The following PPP2R2B variants were observed in gnomAD, a reference collection of about 807,000 sequenced individuals.
PPP2R2B encodes serine/threonine-protein phosphatase 2A 55 kDa regulatory subunit B beta isoform.
PPP2R2B carries 5 observed loss-of-function variants against 46.0 expected under a neutral mutation model. The ratio of observed to expected loss-of-function variants is 0.11; its 90% confidence interval spans 0.06 to 0.23. PPP2R2B has a LOEUF of 0.23. Ranked by LOEUF, PPP2R2B falls within the 10% of genes least tolerant of loss-of-function variation. PPP2R2B has a pLI of 1.00. For missense variants in PPP2R2B, 367 were observed against 575.0 expected (o/e 0.64, Z 3.70); for synonymous variants, 215 against 206.7 (o/e 1.04, Z -0.34).
At chr5:147,054,361 T>C (rs1455652099) in intron 1 of PPP2R2B, among the ~76,000 whole-genome samples, 1 of 152,274 alleles carries the variant, frequency 6.6e-6, no homozygotes, top group Non-Finnish European at 1.5e-5. Context: ...CATTTTTTCA[T>C]TCCTCTCATC....
At chr5:147,026,525 C>T (rs1433810983) in intron 1 of PPP2R2B, among the ~76,000 whole-genome samples, 1 of 152,016 alleles carries the variant, frequency 6.6e-6, no homozygotes, top group Non-Finnish European at 1.5e-5. Context: ...GTGATAGTTT[C>T]ATGTGTATAT....
intron 5 of PPP2R2B, among the ~76,000 whole-genome samples, chr5:146,690,890 G>A (rs957652784): frequency 2.6e-5 from 4 of 152,214 alleles, no homozygotes; most frequent in Admixed American, 2.6e-4. Context: ...TCTGGCAGTG[G>A]CCATGTGGGC....
intron 1 of PPP2R2B, among the ~76,000 whole-genome samples, chr5:146,942,232 T>C (rs753157304): frequency 6.6e-6 from 1 of 152,222 alleles, no homozygotes; most frequent in Non-Finnish European, 1.5e-5. Flanking sequence ...CCTTAACAGC[T>C]AAATTGTTGC....
At chr5:146,938,868 C>T (rs1204807554) in intron 1 of PPP2R2B, among the ~76,000 whole-genome samples, 3 of 148,490 alleles carry the variant, frequency 2.0e-5, no homozygotes, top group Non-Finnish European at 3.0e-5. Context: ...GCAACCTCCA[C>T]CTCCCAGGTT....
rs1379131765 is a variant in PPP2R2B at position 146,878,709 on chromosome 5, C to T, written c.-243G>A. 8 of 1,244,712 alleles carry T rather than the reference C, an allele frequency of 6.4e-6. No homozygotes were observed. The East Asian group carries it at 4.1e-4, about 64-fold the overall frequency. 77.1% of individuals were successfully genotyped at this position (1,244,712 alleles called of 1,614,324 possible). A position where few individuals can be genotyped will look rare whatever the true frequency, so the allele number is the denominator to read the frequency against. ...GGCGCCAGCGCACTCACCCTCACAC[C>T]CACACGCGCGCACTCGCAGCTGCTG... On this transcript the variant is annotated 5_prime_UTR_variant, in exon 1 of 10. Transcript: ENST00000394411. The surrounding 1 kb of genome is among the most constrained non-coding windows in gnomAD (Gnocchi z 4.5).
chr5:146,979,961 T>C (rs1313874583), intron 1 of PPP2R2B, among the ~76,000 whole-genome samples: 3 of 152,206 alleles, frequency 2.0e-5, no homozygotes, highest in Non-Finnish European at 2.9e-5. Context: ...TGTGTGTATA[T>C]ATACAAACAC....
At chr5:147,067,512 T>C (rs1216494427) in intron 2 of PPP2R2B, among the ~76,000 whole-genome samples, 2 of 152,172 alleles carry the variant, frequency 1.3e-5, no homozygotes, top group East Asian at 3.9e-4. Flanking sequence ...GGCCAAGTAA[T>C]ATTCCCTTTG....
intron 1 of PPP2R2B, among the ~76,000 whole-genome samples, chr5:146,886,366 A>AATAAATAAATAAATAAATAAATAC (rs1762326367): frequency 6.6e-6 from 1 of 151,250 alleles, no homozygotes; most frequent in African/African-American, 2.4e-5. Flanking sequence ...TAAATAAATA[A>AATAAATAAATAAATAAATAAATAC]ATAATAAAAC....
chr5:147,043,017 C>A (rs1756385929), intron 1 of PPP2R2B, among the ~76,000 whole-genome samples: 1 of 152,024 alleles, frequency 6.6e-6, no homozygotes, highest in Non-Finnish European at 1.5e-5. Context: ...TACCTTGTAG[C>A]TTGTTTGCGT....
intron 2 of PPP2R2B, among the ~76,000 whole-genome samples, chr5:146,709,918 G>A (rs1459615366): frequency 1.3e-5 from 2 of 152,026 alleles, no homozygotes; most frequent in Non-Finnish European, 2.9e-5. Context: ...TTTCCTTATA[G>A]CACTTTGCAC....
In PPP2R2B at chr5:146,964,032, G is replaced by C. The variant is rs145488586; in HGVS notation, c.79+91633C>G. On this transcript the variant is annotated intron_variant, in intron 1 of 8. Transcript: ENST00000336640. ...TACTTGACCTTCTCCAGGCATGTAG[G>C]CCATCCAAATGTAGCCCTTAAGTCA... Among the ~76,000 whole-genome samples, 135 of 152,286 alleles carry C rather than the reference G, an allele frequency of 8.9e-4. 1 individual carries two copies. Among genetic ancestry groups the C allele is most frequent in the Middle Eastern group, 3.4e-3 (1 of 294 alleles).
intron 2 of PPP2R2B, among the ~76,000 whole-genome samples, chr5:146,746,524 G>T (rs2151228941): frequency 6.6e-6 from 1 of 152,280 alleles, no homozygotes; most frequent in African/African-American, 2.4e-5. Flanking sequence ...GATCAATTTA[G>T]CTCTCAAAGT....
intron 2 of PPP2R2B, among the ~76,000 whole-genome samples, chr5:146,868,667 C>T (rs1761448673): frequency 6.6e-6 from 1 of 152,200 alleles, no homozygotes; most frequent in Non-Finnish European, 1.5e-5. Context: ...ACTGCATTGC[C>T]TTTCCATTTC....
chr5:147,006,930 T>A (rs1754465935), intron 1 of PPP2R2B, among the ~76,000 whole-genome samples: 1 of 152,314 alleles, frequency 6.6e-6, no homozygotes, highest in South Asian at 2.1e-4. Flanking sequence ...CAAACTCTTA[T>A]ACCATCCTCT....
chr5:146,730,011 T>C (rs1236453763), intron 2 of PPP2R2B, among the ~76,000 whole-genome samples: 2 of 152,194 alleles, frequency 1.3e-5, no homozygotes, highest in African/African-American at 4.8e-5. Flanking sequence ...GTTTGCACTA[T>C]GTGCCTGGAA....
At chr5:146,646,238 G>A (rs1775571996) in intron 6 of PPP2R2B, among the ~76,000 whole-genome samples, 1 of 152,042 alleles carries the variant, frequency 6.6e-6, no homozygotes, top group Non-Finnish European at 1.5e-5. Flanking sequence ...TACTCGATAT[G>A]GGCCTATTTA....
At chr5:146,898,484 T>G (rs545463730) in intron 1 of PPP2R2B, among the ~76,000 whole-genome samples, 1 of 152,138 alleles carries the variant, frequency 6.6e-6, no homozygotes, top group East Asian at 1.9e-4. Flanking sequence ...CAAGATGGAT[T>G]AAAGACTTGA....
chr5:147,058,552 A>C (rs767587965), upstream of PPP2R2B, among the ~76,000 whole-genome samples: 12 of 152,158 alleles, frequency 7.9e-5, no homozygotes, highest in Non-Finnish European at 1.6e-4. Context: ...ATGGGACTAG[A>C]ACTCAAGTCC....
At chr5:146,872,443 A>G (rs1336600153) in intron 2 of PPP2R2B, among the ~76,000 whole-genome samples, 1 of 152,238 alleles carries the variant, frequency 6.6e-6, no homozygotes, top group South Asian at 2.1e-4. Context: ...TTAAGGAACT[A>G]TGAGGCAGCT....
Sources: gnomAD v4.1 joint callset for allele counts (sites outside exome capture counted in the v4.1 genomes callset) on GRCh38, gnomAD v4.1.1 for gene constraint, Gnocchi (gnomAD v3.1) non-coding constraint, MANE v1.5 for transcripts, NCBI Gene and HGNC (gene_info 2026-07-23, HGNC 2026-07-21) for gene names.